The following CRACD variants were observed in gnomAD, a reference collection of about 807,000 sequenced individuals.
The protein encoded by CRACD is capping protein inhibiting regulator of actin dynamics.
Under a neutral mutation model 106.8 loss-of-function variants are expected in CRACD, and 56 were observed. That is an observed-to-expected ratio of 0.52 (90% CI 0.42 to 0.66). The LOEUF is 0.66. Among genes scored for constraint, CRACD ranks in the 30% least tolerant of loss-of-function variants. CRACD has a pLI of 0.00. For synonymous variants in CRACD, 754 were observed against 670.8 expected (o/e 1.12, Z -1.92); for missense variants, 1,730 against 1,623.2 (o/e 1.07, Z -1.13).
intron 3 of CRACD, 102 bp from the exon 4 acceptor site, chr4:56,298,112 C>A: frequency 7.7e-7 from 1 of 1,302,726 alleles, no homozygotes; most frequent in Non-Finnish European, 1.1e-6. Flanking sequence ...CCGAATGAGA[C>A]TGGGAATGTG....
At chr4:56,054,825 A>G (rs1731997803) in intron 1 of CRACD, among the ~76,000 whole-genome samples, 1 of 152,350 alleles carries the variant, frequency 6.6e-6, no homozygotes, top group South Asian at 2.1e-4. Flanking sequence ...AAGTGATACC[A>G]TTTAAAATGT....
chr4:56,253,526 TC>T (rs1741167337), intron 2 of CRACD, among the ~76,000 whole-genome samples: 1 of 152,154 alleles, frequency 6.6e-6, no homozygotes, highest in Non-Finnish European at 1.5e-5. Context: ...CCTCATAGTC[TC>T]TTCAAGTAAA....
At chr4:56,214,706 AT>A (rs1241460898) in intron 2 of CRACD, among the ~76,000 whole-genome samples, 1 of 80,334 alleles carries the variant, frequency 1.2e-5, no homozygotes, top group African/African-American at 4.3e-5. Flanking sequence ...TCAAACAGTT[AT>A]TTTTTTTTAA....
chr4:56,205,678 A>C (rs1386835252), intron 2 of CRACD, among the ~76,000 whole-genome samples: 1 of 152,126 alleles, frequency 6.6e-6, no homozygotes, highest in African/African-American at 2.4e-5. Context: ...GGGTCTCACT[A>C]TGTTGCCCAG....
intron 1 of CRACD, among the ~76,000 whole-genome samples, chr4:56,102,918 G>A (rs1013924660): frequency 6.6e-6 from 1 of 152,142 alleles, no homozygotes; most frequent in Non-Finnish European, 1.5e-5. Flanking sequence ...TCTCAGTGAA[G>A]CCTTTCTGGA....
chr4:56,300,110 C>T (rs34206185), intron 4 of CRACD, among the ~76,000 whole-genome samples: 58,509 of 151,842 alleles, frequency 0.39, 11,971 homozygotes, highest in East Asian at 0.75. Context: ...TGCACTCCAG[C>T]CTGGCGACAG....
At chr4:56,271,129 TA>T (rs1173994304) in intron 2 of CRACD, among the ~76,000 whole-genome samples, 1 of 151,698 alleles carries the variant, frequency 6.6e-6, no homozygotes, top group Non-Finnish European at 1.5e-5. Context: ...AAAAAGTTTT[TA>T]AAAATAGTTG....
intron 4 of CRACD, among the ~76,000 whole-genome samples, chr4:56,298,659 G>GC (rs1488636223): frequency 6.6e-6 from 1 of 152,158 alleles, no homozygotes; most frequent in Non-Finnish European, 1.5e-5. Context: ...GGGGCCAGGC[G>GC]CGGTGGCTCA....
chr4:56,305,009 C>T (rs1308090000), intron 4 of CRACD, among the ~76,000 whole-genome samples: 1 of 151,968 alleles, frequency 6.6e-6, no homozygotes, highest in Non-Finnish European at 1.5e-5. Context: ...CAGTGGAGCC[C>T]AGGAGTTTGA....
chr4:56,058,204 G>A (rs1000650665), intron 1 of CRACD, among the ~76,000 whole-genome samples: 1 of 152,040 alleles, frequency 6.6e-6, no homozygotes, highest in Non-Finnish European at 1.5e-5. Context: ...TGAGTACCTG[G>A]GATTATAGTT....
intron 2 of CRACD, among the ~76,000 whole-genome samples, chr4:56,209,990 CCT>C (rs1442010639): frequency 6.6e-6 from 1 of 152,054 alleles, no homozygotes; most frequent in Non-Finnish European, 1.5e-5. Context: ...GGATCCAACC[CCT>C]CTCAGAATAT....
At chr4:56,125,764 C>CTTTTTTTTTTTT (rs11289899) in intron 1 of CRACD, among the ~76,000 whole-genome samples, 8 of 73,304 alleles carry the variant, frequency 1.1e-4, no homozygotes, top group Admixed American at 3.5e-4. Context: ...CATTCTTCTT[C>CTTTTTTTTTTTT]TTTTTTTTTT....
intron 2 of CRACD, among the ~76,000 whole-genome samples, chr4:56,242,863 C>G (rs1452445398): frequency 2.1e-4 from 32 of 152,188 alleles, no homozygotes; most frequent in Non-Finnish European, 1.0e-4. Context: ...TATGTGAAAA[C>G]AAGGGAGTAC....
intron 1 of CRACD, among the ~76,000 whole-genome samples, chr4:56,056,713 A>G (rs1446655826): frequency 6.6e-6 from 1 of 152,094 alleles, no homozygotes; most frequent in Non-Finnish European, 1.5e-5. Flanking sequence ...GGATTGCTTG[A>G]GCTAGGGAGG....
At chr4:56,089,215 G>A (rs1249424533) in intron 1 of CRACD, among the ~76,000 whole-genome samples, 1 of 152,200 alleles carries the variant, frequency 6.6e-6, no homozygotes, top group Non-Finnish European at 1.5e-5. Context: ...TGAATTTCCT[G>A]TGCCAGCTAA....
In CRACD at chr4:56,329,374, C is replaced by G. The variant is rs972553600; in HGVS notation, c.*1570C>G. ...ATCCATCATTACTTTCCTTTATGCT[C>G]GCTCAATATGCAATGTGCTGTTATT... is the stretch of plus-strand genomic sequence containing the variant. On this transcript the variant is annotated 3_prime_UTR_variant, in exon 11 of 11. Transcript: ENST00000682029. Among the ~76,000 whole-genome samples the G allele has an allele frequency of 6.6e-6, 1 of 152,270 alleles. No homozygotes were observed. The highest frequency in any genetic ancestry group is 1.9e-4 in the East Asian group (1 of 5,184).
At chr4:56,326,901 G>A (rs945664542) in intron 10 of CRACD, among the ~76,000 whole-genome samples, 2 of 151,988 alleles carry the variant, frequency 1.3e-5, no homozygotes, top group African/African-American at 4.8e-5. Flanking sequence ...CAACAAGCCT[G>A]GCTACTTTTT....
chr4:56,195,763 C>A (rs748080861), intron 2 of CRACD, among the ~76,000 whole-genome samples: 3 of 152,112 alleles, frequency 2.0e-5, no homozygotes, highest in Non-Finnish European at 2.9e-5. Context: ...AACACAGGAA[C>A]AATAGAAAAC....
intron 2 of CRACD, among the ~76,000 whole-genome samples, chr4:56,214,616 G>A (rs768940734): frequency 4.8e-5 from 7 of 144,758 alleles, no homozygotes; most frequent in East Asian, 2.1e-4. Flanking sequence ...GAGACATATC[G>A]CACCACTGCC....
Sources: gnomAD v4.1 joint callset for allele counts (sites outside exome capture counted in the v4.1 genomes callset) on GRCh38, gnomAD v4.1.1 for gene constraint, MANE v1.5 for transcripts, NCBI Gene and HGNC (gene_info 2026-07-23, HGNC 2026-07-21) for gene names.